The following COBLL1 variants were observed in gnomAD, a reference collection of about 807,000 sequenced individuals.
COBLL1 encodes the protein cordon-bleu protein-like 1.
COBLL1 carries 50 observed loss-of-function variants against 94.8 expected under a neutral mutation model. That is an observed-to-expected ratio of 0.53 (90% CI 0.42 to 0.67). The LOEUF (loss-of-function observed/expected upper bound fraction) is 0.67, where lower values mean the gene tolerates loss of function less well. Ranked by LOEUF, COBLL1 falls within the 30% of genes least tolerant of loss-of-function variation. The pLI is 0.00. For missense variants in COBLL1, 1,362 were observed against 1,348.7 expected, an observed-to-expected ratio of 1.01 and a Z score of -0.15; for synonymous variants, 448 against 473.8, an observed-to-expected ratio of 0.95 and a Z score of 0.71.
chr2:164,658,038 C>T (rs1188786647), intron 2 of COBLL1, among the ~76,000 whole-genome samples: 2 of 152,154 alleles, frequency 1.3e-5, no homozygotes, highest in African/African-American at 4.8e-5. Flanking sequence ...ATTGTCCCTC[C>T]CGCTGTGCTC....
chr2:164,707,007 T>C (rs573307896), intron 7 of COBLL1, among the ~76,000 whole-genome samples: 1 of 152,314 alleles, frequency 6.6e-6, no homozygotes, highest in East Asian at 1.9e-4. Flanking sequence ...CCAGCCACAC[T>C]GGCCTCTTTG....
intron 2 of COBLL1, among the ~76,000 whole-genome samples, chr2:164,787,115 A>C (rs1688996867): frequency 6.6e-6 from 1 of 152,148 alleles, no homozygotes; most frequent in Non-Finnish European, 1.5e-5. Context: ...ACAAACACTA[A>C]GGAATTGGAC....
chr2:164,775,608 G>A (rs927192862), intron 2 of COBLL1, among the ~76,000 whole-genome samples: 14 of 152,084 alleles, frequency 9.2e-5, no homozygotes, highest in Admixed American at 2.0e-4. Flanking sequence ...GATTACAGGC[G>A]TGTGCCACCA....
In COBLL1 at chr2:164,695,520, G is replaced by A. The variant is rs1558927838; in HGVS notation, c.1872C>T (p.Asp624=). The change falls in exon 12 of 14, where the codon GAC becomes GAT. Residue 624 remains aspartate (D), a synonymous_variant. Coordinates refer to ENST00000652658, the MANE Select transcript of COBLL1 (RefSeq NM_001365672.2). ...DGKHQDHNLS[D]SKVEECVQTS... ...TTTGCACACATTCTTCAACTTTGGA[G>A]TCAGATAAATTATGATCTTGGTGTT... The A allele has an allele frequency of 1.2e-6, 2 of 1,613,970 alleles. No individual in the cohort carries two copies. Among genetic ancestry groups the A allele is most frequent in the Non-Finnish European group, 1.7e-6 (2 of 1,179,910 alleles).
rs1683198501 is a variant in COBLL1 at position 164,684,723 on chromosome 2, T to C, written c.*1223A>G. ...ATGCATCAGGTAAGGGAAATAAATATGCTGGTTGACACAAACTATATATTT... is the reference window on the plus strand; with the variant it reads ...ATGCATCAGGTAAGGGAAATAAATACGCTGGTTGACACAAACTATATATTT... On this transcript the variant is annotated 3_prime_UTR_variant, in exon 14 of 14. Coordinates refer to ENST00000652658, the MANE Select transcript of COBLL1 (RefSeq NM_001365672.2). 1 of 152,126 alleles carries C rather than the reference T, an allele frequency of 6.6e-6. No homozygotes were observed. The allele number at this position is 152,126 out of a possible 1,614,324, so 9.4% of individuals were successfully genotyped here.
chr2:164,727,157 G>A (rs1685757798), intron 5 of COBLL1: 1 of 1,463,668 alleles, frequency 6.8e-7, no homozygotes, highest in Non-Finnish European at 9.3e-7. Context: ...ACAGAAGGAG[G>A]GGTATAAAAG....
At chr2:164,778,070 A>C (rs149648135) in intron 2 of COBLL1, among the ~76,000 whole-genome samples, 77 of 152,304 alleles carry the variant, frequency 5.1e-4, no homozygotes, top group African/African-American at 1.7e-3. Flanking sequence ...AACAGCCACA[A>C]AAAGATAATT....
rs752386836 is a variant in COBLL1 at position 164,818,769 on chromosome 2, C to CATATATATATATAT, written c.41+22386_41+22387insATATATATATATAT. Among the ~76,000 whole-genome samples, 783 of 139,384 alleles carry CATATATATATATAT rather than the reference C, an allele frequency of 5.6e-3. 7 individuals are homozygous for CATATATATATATAT. The highest frequency in any genetic ancestry group is 0.012 in the African/African-American group (463 of 37,308). 91.4% of individuals were successfully genotyped at this position (139,384 alleles called of 152,430 possible). A position where few individuals can be genotyped will look rare whatever the true frequency, so the allele number is the denominator to read the frequency against. On this transcript the variant is annotated intron_variant, in intron 2 of 13. Coordinates refer to ENST00000652658, the MANE Select transcript of COBLL1 (RefSeq NM_001365672.2). ...TAGTATATATATGTACTTATGTAAA[C>CATATATATATATAT]ATATATATATATACATATAATTTTT...
chr2:164,705,596 A>T (rs1452836810), intron 7 of COBLL1, among the ~76,000 whole-genome samples: 1 of 152,210 alleles, frequency 6.6e-6, no homozygotes, highest in African/African-American at 2.4e-5. Flanking sequence ...TCACACTCCT[A>T]GCCCGTGACT....
In COBLL1 at chr2:164,681,029, G is replaced by A. The variant is rs928914798; in HGVS notation, c.*4917C>T. On this transcript the variant is annotated 3_prime_UTR_variant, in exon 14 of 14. Coordinates refer to ENST00000652658, the MANE Select transcript of COBLL1 (RefSeq NM_001365672.2). Reference sequence around the variant, plus strand: ...TAGACAGAAAGTCTGAGGTGTATTTGTGTTGGATTTAGTAAGTCATCTGTG... The same window carrying A: ...TAGACAGAAAGTCTGAGGTGTATTTATGTTGGATTTAGTAAGTCATCTGTG... 2 of 152,154 alleles carry A rather than the reference G, an allele frequency of 1.3e-5. No homozygotes were observed. Among genetic ancestry groups the A allele is most frequent in the Non-Finnish European group, 2.9e-5 (2 of 68,026 alleles). The allele number at this position is 152,154 out of a possible 1,614,324, so 9.4% of individuals were successfully genotyped here. A position where few individuals can be genotyped will look rare whatever the true frequency, so the allele number is the denominator to read the frequency against.
At chr2:164,698,585 T>C (rs1294587251) in intron 11 of COBLL1, among the ~76,000 whole-genome samples, 1 of 151,868 alleles carries the variant, frequency 6.6e-6, no homozygotes, top group Non-Finnish European at 1.5e-5. Context: ...TTGAATTTTC[T>C]ATTTGCATAG....
chr2:164,757,298 A>G (rs1323453710), intron 2 of COBLL1, among the ~76,000 whole-genome samples: 1 of 152,168 alleles, frequency 6.6e-6, no homozygotes, highest in Non-Finnish European at 1.5e-5. Context: ...ATAAATGTTT[A>G]TGTAAATAAA....
At chr2:164,800,530 T>C in intron 2 of COBLL1, 2 of 702,048 alleles carry the variant, frequency 2.8e-6, no homozygotes, top group Admixed American at 2.0e-5. Flanking sequence ...AAATATACAC[T>C]TACCATGACC....
chr2:164,818,195 T>C (rs1304175005), intron 2 of COBLL1, among the ~76,000 whole-genome samples: 8 of 150,988 alleles, frequency 5.3e-5, no homozygotes, highest in African/African-American at 1.9e-4. Flanking sequence ...TATATACGTA[T>C]GTATACATAT....
At chr2:164,725,576 A>T (rs376998547) in intron 5 of COBLL1, among the ~76,000 whole-genome samples, 12 of 152,072 alleles carry the variant, frequency 7.9e-5, no homozygotes, top group African/African-American at 2.9e-4. Context: ...GTGCCACCAC[A>T]CCCGGCTAAT....
chr2:164,699,502 G>A lies in COBLL1; in HGVS notation c.1461-3C>T. The A allele has an allele frequency of 6.4e-7, 1 of 1,566,074 alleles. No homozygotes were observed. The highest frequency in any genetic ancestry group is 8.8e-7 in the Non-Finnish European group (1 of 1,137,006). ...CATATACTACACTGTGTGGTTCTCTGGAAGATACGACATTGTATGTTATAT... is the reference window on the plus strand; with the variant it reads ...CATATACTACACTGTGTGGTTCTCTAGAAGATACGACATTGTATGTTATAT... On this transcript the variant is annotated splice_region_variant and splice_polypyrimidine_tract_variant and intron_variant, in intron 10 of 13. Coordinates refer to ENST00000652658, the MANE Select transcript of COBLL1 (RefSeq NM_001365672.2).
chr2:164,834,477 T>C (rs1044710825), intron 2 of COBLL1, among the ~76,000 whole-genome samples: 1 of 152,226 alleles, frequency 6.6e-6, no homozygotes, highest in Non-Finnish European at 1.5e-5. Context: ...TAGTATAAGA[T>C]ATATTTCACT....
In COBLL1 at chr2:164,704,473, G is replaced by C; in HGVS notation, c.1196C>G (p.Ala399Gly). Residue 399 changes from alanine (A) to glycine (G), a missense_variant, in exon 9 of 14, where the codon GCA becomes GGA. Physicochemically the swap from Ala to Gly is moderately conservative, Grantham distance 60. Transcript: ENST00000652658. ...GCTGGATAGCTCCTCAGGAGAGTTTGCTTCTGAAGCACTGTCTGGAGGAAC... is the reference window on the plus strand; with the variant it reads ...GCTGGATAGCTCCTCAGGAGAGTTTCCTTCTGAAGCACTGTCTGGAGGAAC... ...DGVPPDSASEANSPEELSSPA... is the reference protein window; with the variant it reads ...DGVPPDSASEGNSPEELSSPA... 6.2e-7 allele frequency: 1 copy of C among 1,613,506 alleles called. No individual in the cohort carries two copies. The highest frequency in any genetic ancestry group is 8.5e-7 in the Non-Finnish European group (1 of 1,179,462).
chr2:164,728,747 G>T (rs1443846071), intron 4 of COBLL1, among the ~76,000 whole-genome samples: 1 of 151,908 alleles, frequency 6.6e-6, no homozygotes, highest in Non-Finnish European at 1.5e-5. Context: ...TAGCTATTGT[G>T]ATTAACTTTT....
Sources: allele counts gnomAD v4.1 joint callset (sites outside exome capture counted in the v4.1 genomes callset), GRCh38; gene constraint gnomAD v4.1.1; transcripts MANE v1.5; gene names NCBI Gene and HGNC (gene_info 2026-07-23, HGNC 2026-07-21).